SLC16A10: variants seen among roughly 807,000 people sequenced by gnomAD.
The protein encoded by SLC16A10 is solute carrier family 16 member 10.
Under a neutral mutation model 40.0 loss-of-function variants are expected in SLC16A10, and 27 were observed. The observed-to-expected ratio is 0.67, with a 90% CI of 0.50 to 0.93. The LOEUF (loss-of-function observed/expected upper bound fraction) is 0.93. Ranked by LOEUF, SLC16A10 falls within the 40% of genes least tolerant of loss-of-function variation. The pLI, the probability that SLC16A10 is intolerant of heterozygous loss-of-function variation, is 0.00. For synonymous variants in SLC16A10, 213 were observed against 249.8 expected (o/e 0.85, Z 1.39); for missense variants, 529 against 658.2 (o/e 0.80, Z 2.15).
At chr6:111,186,114 G>A (rs540278342) in intron 3 of SLC16A10, among the ~76,000 whole-genome samples, 1 of 152,120 alleles carries the variant, frequency 6.6e-6, no homozygotes, top group East Asian at 1.9e-4. Context: ...TGCCCAGGCT[G>A]GTCTCAAACT....
chr6:111,162,945 GT>G (rs1416695071), intron 1 of SLC16A10, among the ~76,000 whole-genome samples: 2 of 151,764 alleles, frequency 1.3e-5, no homozygotes, highest in African/African-American at 2.4e-5. Flanking sequence ...CTATTCCAAT[GT>G]CACAATCTCC....
intron 1 of SLC16A10, among the ~76,000 whole-genome samples, chr6:111,139,333 C>T (rs1321219712): frequency 6.6e-6 from 1 of 151,970 alleles, no homozygotes; most frequent in Non-Finnish European, 1.5e-5. Context: ...GACAGCATCT[C>T]GCTCTGTCAC....
chr6:111,122,865 T>G (rs1373683605), intron 1 of SLC16A10, among the ~76,000 whole-genome samples: 3 of 152,210 alleles, frequency 2.0e-5, no homozygotes, highest in African/African-American at 4.8e-5. Flanking sequence ...AGTTTACTCT[T>G]AGTTGCTGAC....
chr6:111,202,936 A>T (rs1773196245), intron 3 of SLC16A10, among the ~76,000 whole-genome samples: 1 of 151,020 alleles, frequency 6.6e-6, no homozygotes, highest in Non-Finnish European at 1.5e-5. Context: ...AATTCCTGAC[A>T]CTTAATACAT....
At chr6:111,125,270 T>C (rs900748503) in intron 1 of SLC16A10, among the ~76,000 whole-genome samples, 1 of 152,210 alleles carries the variant, frequency 6.6e-6, no homozygotes, top group Admixed American at 6.5e-5. Flanking sequence ...CATTAAATTG[T>C]AGACATTTAT....
chr6:111,172,089 C>G (rs555330074), intron 1 of SLC16A10, among the ~76,000 whole-genome samples: 16 of 152,270 alleles, frequency 1.1e-4, no homozygotes, highest in Admixed American at 6.5e-4. Context: ...TATACACTTT[C>G]TCTAATCTTT....
intron 2 of SLC16A10, chr6:111,173,474 CGGGTCCATGGCCTGTTA>C: frequency 6.6e-6 from 1 of 152,350 alleles, no homozygotes; most frequent in African/African-American, 2.4e-5. Context: ...CAGACTGGTA[CGGGTCCATGGCCTGTTA>C]GGAATTGGGC....
chr6:111,221,855 T>C (rs1389555395), intron 5 of SLC16A10, 148 bp from the exon 6 acceptor site: 1 of 623,442 alleles, frequency 1.6e-6, no homozygotes, highest in Non-Finnish European at 2.6e-6. Flanking sequence ...TTTTTCTTCC[T>C]ATCAAAAAGG....
intron 1 of SLC16A10, among the ~76,000 whole-genome samples, chr6:111,100,431 C>G (rs1454876912): frequency 6.6e-6 from 1 of 152,010 alleles, no homozygotes; most frequent in Non-Finnish European, 1.5e-5. Context: ...GCTTTGTCAC[C>G]AGGCTGGAGT....
intron 1 of SLC16A10, among the ~76,000 whole-genome samples, chr6:111,125,465 A>G (rs1335628184): frequency 6.6e-6 from 1 of 152,136 alleles, no homozygotes; most frequent in Non-Finnish European, 1.5e-5. Context: ...CATAACGATT[A>G]AGGCTCATTG....
intron 4 of SLC16A10, among the ~76,000 whole-genome samples, chr6:111,211,847 TC>T (rs1773350975): frequency 6.6e-6 from 1 of 152,246 alleles, no homozygotes. Context: ...GTTTGTTCCT[TC>T]CTTTTTCTCC....
intron 3 of SLC16A10, among the ~76,000 whole-genome samples, chr6:111,205,077 G>A (rs1773233257): frequency 6.6e-6 from 1 of 152,038 alleles, no homozygotes; most frequent in Non-Finnish European, 1.5e-5. Context: ...GTAGGCAGTG[G>A]GCCACCTTTG....
chr6:111,130,325 A>G (rs904011813), intron 1 of SLC16A10, among the ~76,000 whole-genome samples: 1 of 152,180 alleles, frequency 6.6e-6, no homozygotes, highest in Non-Finnish European at 1.5e-5. Context: ...CTTCTCTACT[A>G]TGGGAACTTG....
intron 3 of SLC16A10, among the ~76,000 whole-genome samples, chr6:111,193,491 T>C (rs1435658907): frequency 6.6e-6 from 1 of 152,236 alleles, no homozygotes; most frequent in Non-Finnish European, 1.5e-5. Flanking sequence ...GCTTGTTTTT[T>C]CTTTTCAAAA....
chr6:111,154,721 A>C (rs1374539865), intron 1 of SLC16A10, among the ~76,000 whole-genome samples: 1 of 152,132 alleles, frequency 6.6e-6, no homozygotes, highest in East Asian at 1.9e-4. Flanking sequence ...GGCCGGGAGC[A>C]GTGGCTCACA....
At chr6:111,153,008 T>A (rs79655235) in intron 1 of SLC16A10, among the ~76,000 whole-genome samples, 1 of 152,032 alleles carries the variant, frequency 6.6e-6, no homozygotes, top group African/African-American at 2.4e-5. Flanking sequence ...GAACTTTGAG[T>A]CAGTGACAAT....
At chr6:111,175,024 T>G (rs1772653870) in intron 2 of SLC16A10, among the ~76,000 whole-genome samples, 1 of 152,184 alleles carries the variant, frequency 6.6e-6, no homozygotes, top group Non-Finnish European at 1.5e-5. Context: ...GATCAAAGGC[T>G]ACTGAAACTT....
chr6:111,213,802 C>T (rs975875560), intron 4 of SLC16A10, among the ~76,000 whole-genome samples: 4 of 152,228 alleles, frequency 2.6e-5, no homozygotes, highest in Non-Finnish European at 5.9e-5. Context: ...ATCCAGCCAC[C>T]TGCTGTGTGG....
chr6:111,155,927 C>T (rs926241906), intron 1 of SLC16A10, among the ~76,000 whole-genome samples: 2 of 152,156 alleles, frequency 1.3e-5, no homozygotes, highest in African/African-American at 2.4e-5. Context: ...ACAACCAGGG[C>T]TCCTTGCAGA....
Sources: gnomAD v4.1 joint callset for allele counts (sites outside exome capture counted in the v4.1 genomes callset) on GRCh38, gnomAD v4.1.1 for gene constraint, MANE v1.5 for transcripts, NCBI Gene and HGNC (gene_info 2026-07-23, HGNC 2026-07-21) for gene names.